Variants in F3 observed in about 807,000 individuals in gnomAD.
F3 encodes tissue factor.
Under a neutral mutation model 33.5 loss-of-function variants are expected in F3, and 18 were observed. The ratio of observed to expected loss-of-function variants is 0.54; its 90% CI spans 0.37 to 0.80. The LOEUF (loss-of-function observed/expected upper bound fraction) is 0.80, where lower values mean the gene tolerates loss of function less well. Among genes scored for constraint, F3 ranks in the 30% least tolerant of loss-of-function variants. F3 has a pLI of 0.00. For synonymous variants in F3, 147 were observed against 140.7 expected (o/e 1.05, Z -0.32); for missense variants, 353 against 362.1 (o/e 0.97, Z 0.20).
At chr1:94,541,195 TTGA>T in intron 1 of F3, 1 of 271,140 alleles carries the variant, frequency 3.7e-6, no homozygotes, top group South Asian at 1.5e-4. Flanking sequence ...TCCTATCATA[TTGA>T]AGGTCGCAAC....
At position 94,529,599 on chromosome 1, in the gene F3, C is replaced by T. The variant is rs1404606414; in HGVS notation, c.*861G>A. On this transcript the variant is annotated 3_prime_UTR_variant, in exon 6 of 6. Transcript: ENST00000334047. ...GCATATTAGGAAGGTGCCCAGAATA[C>T]CAATGTCTCCTGCACTTAACACATT... 6.6e-6 allele frequency: 1 copy of T among 152,442 alleles called. No homozygotes were observed. The highest frequency in any genetic ancestry group is 1.5e-5 in the Non-Finnish European group (1 of 67,994). The allele number at this position is 152,442 out of a possible 1,614,324, so 9.4% of individuals were successfully genotyped here.
intron 2 of F3, among the ~76,000 whole-genome samples, chr1:94,539,323 G>C (rs932944209): frequency 6.6e-6 from 1 of 151,938 alleles, no homozygotes; most frequent in Non-Finnish European, 1.5e-5. Context: ...CTGTCATGAA[G>C]TTCATTTTGA....
intron 2 of F3, 97 bp from the exon 3 acceptor site, chr1:94,536,261 T>A: frequency 9.5e-7 from 1 of 1,049,346 alleles, no homozygotes; most frequent in Admixed American, 1.8e-5. Context: ...TGTGCTAACA[T>A]CAGGAGCCCT....
At chr1:94,535,566 T>A (rs1455761819) in intron 3 of F3, among the ~76,000 whole-genome samples, 2 of 152,072 alleles carry the variant, frequency 1.3e-5, no homozygotes, top group East Asian at 3.9e-4. Context: ...AATCCTCAAC[T>A]GGGATTTTTA....
chr1:94,540,237 T>C lies in F3; in HGVS notation c.212+20A>G. ...AGAAACATCAAAGACCTTAATTTTC[T>C]TTTTCTGTACCCAGCTTACCTTATT... is the stretch of plus-strand genomic sequence containing the variant. On this transcript the variant is annotated intron_variant, in intron 2 of 5. Coordinates refer to ENST00000334047, the MANE Select transcript of F3 (RefSeq NM_001993.5). The C allele has an allele frequency of 6.5e-7, 1 of 1,527,626 alleles. No individual in the cohort carries two copies. Among genetic ancestry groups the C allele is most frequent in the Non-Finnish European group, 9.1e-7 (1 of 1,102,388 alleles). 94.6% of individuals were successfully genotyped at this position (1,527,626 alleles called of 1,614,324 possible). A position where few individuals can be genotyped will look rare whatever the true frequency, so the allele number is the denominator to read the frequency against.
In F3 at chr1:94,530,606, A is replaced by G. The variant is rs776613931; in HGVS notation, c.752-10T>C. 2 of 1,613,552 alleles carry G rather than the reference A, an allele frequency of 1.2e-6. No individual in the cohort carries two copies. Among genetic ancestry groups the G allele is most frequent in the Non-Finnish European group, 1.7e-6 (2 of 1,180,006 alleles). On this transcript the variant is annotated splice_polypyrimidine_tract_variant and intron_variant, in intron 5 of 5. Coordinates refer to ENST00000334047, the MANE Select transcript of F3 (RefSeq NM_001993.5). ...ATGATGTAGAATATTTCTGAAAAAT[A>G]AAGGGCATCTAGTCAACTTGGAGAG...
At position 94,533,239 on chromosome 1, in the gene F3, A is replaced by G; in HGVS notation, c.442T>C (p.Phe148Leu). 1 of 1,612,958 alleles carries G rather than the reference A, an allele frequency of 6.2e-7. No individual in the cohort carries two copies. Among genetic ancestry groups the G allele is most frequent in the South Asian group, 1.1e-5 (1 of 90,518 alleles). ...TTCACTTTTGTTCCCACCTGTTCAA[A>G]ACTCTGAATTGTTGGCTGTCCGAGG... ...TNLGQPTIQS[F>L]EQVGTKVNVT... Residue 148 changes from phenylalanine (F) to leucine (L), a missense_variant, in exon 4 of 6, where the codon TTT (phenylalanine) becomes CTT (leucine). Coordinates refer to ENST00000334047, the MANE Select transcript of F3 (RefSeq NM_001993.5).
chr1:94,532,546 A>C, intron 4 of F3, 66 bp from the exon 5 acceptor site: 1 of 1,559,318 alleles, frequency 6.4e-7, no homozygotes, highest in Admixed American at 1.8e-5. Context: ...TTATTAAGTC[A>C]CTGTGGAAGT....
At chr1:94,534,337 T>C (rs1651530539) in intron 3 of F3, among the ~76,000 whole-genome samples, 1 of 152,132 alleles carries the variant, frequency 6.6e-6, no homozygotes, top group African/African-American at 2.4e-5. Context: ...AGTAGTTAAG[T>C]TTTTGGGGAG....
intron 2 of F3, among the ~76,000 whole-genome samples, chr1:94,538,332 C>T (rs1331263548): frequency 1.3e-5 from 2 of 152,224 alleles, no homozygotes; most frequent in African/African-American, 4.8e-5. Context: ...ATTTCCCAAC[C>T]ACCACTGAAA....
chr1:94,532,259 C>T, intron 5 of F3, 62 bp downstream of exon 5: 1 of 1,521,780 alleles, frequency 6.6e-7, no homozygotes, highest in Non-Finnish European at 8.9e-7. Context: ...GGTGGAGCTA[C>T]TCCTCCAGAA....
intron 2 of F3, 126 bp downstream of exon 2, chr1:94,540,131 A>G (rs1248461648): frequency 9.8e-6 from 7 of 712,376 alleles, no homozygotes; most frequent in Non-Finnish European, 1.5e-5. Context: ...AATTGCCAAG[A>G]ATCCCTTCTT....
chr1:94,541,505 G>C, intron 1 of F3, 32 bp downstream of exon 1: 1 of 1,430,438 alleles, frequency 7.0e-7, no homozygotes, highest in Non-Finnish European at 9.2e-7. Context: ...CGTGTGGCGC[G>C]CCCCGGGCTT....
chr1:94,531,787 T>C (rs1221101302), intron 5 of F3, among the ~76,000 whole-genome samples: 1 of 152,188 alleles, frequency 6.6e-6, no homozygotes, highest in Non-Finnish European at 1.5e-5. Flanking sequence ...TGCACATGCA[T>C]GTACACACAC....
rs939213567 is a variant in F3, at chr1:94,532,184, C to T, written c.751+137G>A. Reference sequence around the variant, plus strand: ...CAAAACCAAAACAAACAAATAACAACAAAAAACCTCCAGGCAGTTTGTTTT... The same window carrying T: ...CAAAACCAAAACAAACAAATAACAATAAAAAACCTCCAGGCAGTTTGTTTT... On this transcript the variant is annotated intron_variant, in intron 5 of 5. Coordinates refer to ENST00000334047, the MANE Select transcript of F3 (RefSeq NM_001993.5). 20 of 884,290 alleles carry T rather than the reference C, an allele frequency of 2.3e-5. No individual in the cohort carries two copies. The African/African-American group carries it at 2.7e-4, about 12-fold the overall frequency. The allele number at this position is 884,290 out of a possible 1,614,324, so 54.8% of individuals were successfully genotyped here.
intron 2 of F3, among the ~76,000 whole-genome samples, chr1:94,537,222 T>C (rs1415092722): frequency 6.6e-6 from 1 of 152,216 alleles, no homozygotes; most frequent in Non-Finnish European, 1.5e-5. Flanking sequence ...CTACTGACAA[T>C]GAAATTCTTC....
At chr1:94,540,485 C>T (rs1347528107) in intron 1 of F3, 117 bp from the exon 2 acceptor site, 3 of 592,810 alleles carry the variant, frequency 5.1e-6, no homozygotes, top group African/African-American at 3.8e-5. Flanking sequence ...TATTTTTCAA[C>T]CACAAAAGCT....
At chr1:94,531,582 G>A (rs975631417) in intron 5 of F3, among the ~76,000 whole-genome samples, 3 of 152,138 alleles carry the variant, frequency 2.0e-5, no homozygotes, top group Non-Finnish European at 4.4e-5. Context: ...GACTACAGGC[G>A]TGAGCCACCA....
At chr1:94,534,157 A>C (rs999162851) in intron 3 of F3, among the ~76,000 whole-genome samples, 10 of 152,168 alleles carry the variant, frequency 6.6e-5, no homozygotes, top group Admixed American at 6.5e-4. Flanking sequence ...ACGAGCCACC[A>C]TGCCCAGCCT....
Sources: gnomAD v4.1 joint callset for allele counts (sites outside exome capture counted in the v4.1 genomes callset) on GRCh38, gnomAD v4.1.1 for gene constraint, MANE v1.5 for transcripts, NCBI Gene and HGNC (gene_info 2026-07-23, HGNC 2026-07-21) for gene names.